DPP6: variants seen among roughly 807,000 people sequenced by gnomAD.
DPP6 encodes A-type potassium channel modulatory protein DPP6.
A neutral mutation model predicts 122.6 loss-of-function variants in DPP6; 69 were observed. The ratio of observed to expected loss-of-function variants is 0.56; its 90% CI spans 0.46 to 0.69. The LOEUF is 0.69. Ranked by LOEUF, DPP6 falls within the 30% of genes least tolerant of loss-of-function variation. The pLI, the probability that DPP6 is intolerant of heterozygous loss-of-function variation, is 0.00. For synonymous variants in DPP6, 418 were observed against 433.1 expected, an observed-to-expected ratio of 0.97 and a Z score of 0.43; for missense variants, 928 against 1,116.9, an observed-to-expected ratio of 0.83 and a Z score of 2.41.
the DPP6 span, among the ~76,000 whole-genome samples, chr7:153,873,123 C>A: frequency 1.3e-5 from 2 of 152,178 alleles, no homozygotes; most frequent in African/African-American, 4.8e-5. Flanking sequence ...GTGGCAATCA[C>A]GTGGTGAGGA....
intron 6 of DPP6, among the ~76,000 whole-genome samples, chr7:154,657,836 G>A (rs1364441236): frequency 1.3e-5 from 2 of 152,170 alleles, no homozygotes; most frequent in African/African-American, 4.8e-5. Flanking sequence ...GAGACTGGTG[G>A]AGCAAAATCC....
chr7:154,728,374 C>T (rs1161856535), intron 8 of DPP6, among the ~76,000 whole-genome samples: 1 of 152,198 alleles, frequency 6.6e-6, no homozygotes, highest in African/African-American at 2.4e-5. Flanking sequence ...AGAGCGCCTC[C>T]ACCTTGCTGG....
At chr7:154,460,199 C>T (rs1016931909) in intron 2 of DPP6, among the ~76,000 whole-genome samples, 2 of 152,082 alleles carry the variant, frequency 1.3e-5, no homozygotes, top group African/African-American at 4.8e-5. Flanking sequence ...CCAGGCTAGT[C>T]TTGAACTCCT....
At chr7:154,409,910 G>A (rs1402815398) in intron 1 of DPP6, among the ~76,000 whole-genome samples, 2 of 152,186 alleles carry the variant, frequency 1.3e-5, no homozygotes, top group Admixed American at 1.3e-4. Context: ...CGCTCTCCAA[G>A]GTCCTGATTT....
chr7:154,161,062 C>T (rs1585520574), intron 1 of DPP6, among the ~76,000 whole-genome samples: 2 of 152,292 alleles, frequency 1.3e-5, no homozygotes, highest in East Asian at 3.9e-4. Flanking sequence ...TCCAGCACTG[C>T]ACCACACCTT....
intron 1 of DPP6, among the ~76,000 whole-genome samples, chr7:154,302,265 G>T (rs1327667540): frequency 1.3e-5 from 2 of 152,180 alleles, no homozygotes; most frequent in East Asian, 3.8e-4. Flanking sequence ...CCTCATAGAA[G>T]TGGAACTGTG....
chr7:154,313,684 G>GGTGTGTGTAT (rs146683070), intron 1 of DPP6, among the ~76,000 whole-genome samples: 26 of 25,096 alleles, frequency 1.0e-3, no homozygotes, highest in East Asian at 6.0e-3. Flanking sequence ...TTTAAGATAT[G>GGTGTGTGTAT]GTATATATAT....
At chr7:154,509,330 G>T (rs544752675) in intron 3 of DPP6, among the ~76,000 whole-genome samples, 2 of 152,210 alleles carry the variant, frequency 1.3e-5, no homozygotes, top group Admixed American at 1.3e-4. Flanking sequence ...AATCTGAGGA[G>T]ACATATCTCC....
chr7:154,102,437 C>A (rs566832698), intron 1 of DPP6, among the ~76,000 whole-genome samples: 1 of 152,294 alleles, frequency 6.6e-6, no homozygotes, highest in African/African-American at 2.4e-5. Context: ...AATCCGCCCG[C>A]CTCAGCCTCC....
At chr7:154,104,757 A>T (rs1806022975) in intron 1 of DPP6, among the ~76,000 whole-genome samples, 1 of 152,228 alleles carries the variant, frequency 6.6e-6, no homozygotes, top group South Asian at 2.1e-4. Context: ...CACTCAATGT[A>T]AGATCAGATT....
intron 1 of DPP6, among the ~76,000 whole-genome samples, chr7:154,426,948 C>T (rs1396132480): frequency 2.6e-5 from 4 of 151,882 alleles, no homozygotes; most frequent in African/African-American, 9.7e-5. Flanking sequence ...GTAAGAGTTT[C>T]TTACCCCGCC....
intron 3 of DPP6, among the ~76,000 whole-genome samples, chr7:154,539,210 C>G (rs138765226): frequency 1.0e-3 from 156 of 152,288 alleles, no homozygotes; most frequent in African/African-American, 3.6e-3. Context: ...GGCCCTGCCT[C>G]TCAACCTGCA....
At chr7:154,334,017 A>G (rs754642028) in intron 1 of DPP6, among the ~76,000 whole-genome samples, 2 of 152,242 alleles carry the variant, frequency 1.3e-5, no homozygotes, top group Non-Finnish European at 2.9e-5. Flanking sequence ...AATAGTATAA[A>G]TACAAAATAA....
the DPP6 span, among the ~76,000 whole-genome samples, chr7:153,843,132 T>TGCATACACATGCGCATACACACG: frequency 6.7e-6 from 1 of 149,374 alleles, no homozygotes; most frequent in African/African-American, 2.5e-5. Flanking sequence ...GCATACACAC[T>TGCATACACATGCGCATACACACG]TGCATACAGA....
At chr7:154,313,958 A>G (rs1391058617) in intron 1 of DPP6, among the ~76,000 whole-genome samples, 1 of 151,562 alleles carries the variant, frequency 6.6e-6, no homozygotes, top group African/African-American at 2.4e-5. Context: ...CAATAAGAGA[A>G]CTTTGGCAGG....
At chr7:154,695,793 G>A (rs1445523263) in intron 7 of DPP6, among the ~76,000 whole-genome samples, 1 of 152,304 alleles carries the variant, frequency 6.6e-6, no homozygotes, top group Non-Finnish European at 1.5e-5. Flanking sequence ...CCTGCGGCAC[G>A]TGGCCTGTCT....
rs570012802 is a variant in DPP6, at chr7:154,060,109, C to T, written c.243+7046C>T. On this transcript the variant is annotated intron_variant, in intron 1 of 25. Transcript: ENST00000377770. ...CATCGCAGGGGGGGAGGCAATCCTC[C>T]CGAGGCGGGACTGCAAACCTCCACC... Among the ~76,000 whole-genome samples, 164 of 147,488 alleles carry T rather than the reference C, an allele frequency of 1.1e-3. 3 individuals carry two copies. The highest frequency in any genetic ancestry group is 3.7e-3 in the African/African-American group (149 of 40,184).
chr7:154,790,060 T>C (rs1054160362), intron 10 of DPP6, among the ~76,000 whole-genome samples: 1 of 152,102 alleles, frequency 6.6e-6, no homozygotes, highest in Non-Finnish European at 1.5e-5. Flanking sequence ...TAGCCGGGCA[T>C]GGTAGCAGGC....
chr7:154,423,226 T>C (rs7779485), intron 1 of DPP6, among the ~76,000 whole-genome samples: 101,171 of 152,094 alleles, frequency 0.67, 35,091 homozygotes, highest in South Asian at 0.78. Context: ...TGGGCATTTA[T>C]AAAAGGAGAA....
Sources: allele counts gnomAD v4.1 joint callset (sites outside exome capture counted in the v4.1 genomes callset), GRCh38; gene constraint gnomAD v4.1.1; transcripts MANE v1.5; gene names NCBI Gene and HGNC (gene_info 2026-07-23, HGNC 2026-07-21).